The following SAMD5 variants were observed in gnomAD, a reference collection of about 807,000 sequenced individuals.
SAMD5 encodes sterile alpha motif domain containing 5, also known as sterile alpha motif domain-containing protein 5.
Under a neutral mutation model 11.3 loss-of-function variants are expected in SAMD5, and 13 were observed. The observed-to-expected ratio is 1.15, with a 90% confidence interval of 0.75 to 1.83. The LOEUF (loss-of-function observed/expected upper bound fraction) is 1.83, where lower values mean the gene tolerates loss of function less well. Among genes scored for constraint, SAMD5 ranks in the 40% most tolerant of loss-of-function variants. The pLI, the probability that SAMD5 is intolerant of heterozygous loss-of-function variation, is 0.00. For synonymous variants in SAMD5, 129 were observed against 111.3 expected, an observed-to-expected ratio of 1.16 and a Z score of -1.00; for missense variants, 255 against 239.1, an observed-to-expected ratio of 1.07 and a Z score of -0.44.
chr6:147,517,713 T>C (rs1788193117), intron 1 of SAMD5, among the ~76,000 whole-genome samples: 1 of 152,226 alleles, frequency 6.6e-6, no homozygotes, highest in Non-Finnish European at 1.5e-5. Flanking sequence ...AAACATTCTT[T>C]GGAGTATCTT....
chr6:147,927,909 A>G, the SAMD5 span, among the ~76,000 whole-genome samples: 2 of 152,300 alleles, frequency 1.3e-5, no homozygotes, highest in South Asian at 2.1e-4. Flanking sequence ...CCTTTTCTGT[A>G]TCTATTGACA....
At chr6:147,615,292 C>T (rs1226110485) in intron 1 of SAMD5, among the ~76,000 whole-genome samples, 1 of 152,036 alleles carries the variant, frequency 6.6e-6, no homozygotes, top group African/African-American at 2.4e-5. Context: ...AGACACTAGC[C>T]CTGATTTTAT....
At position 147,640,454 on chromosome 6, in the gene SAMD5, G is replaced by A. The variant is rs1442102480; in HGVS notation, c.163-96863G>A. ...GGAGGTTGTAGTGAGCTGAGATCAC[G>A]CCACTGTCCTCCAGCCTGGGTGACA... On this transcript the variant is annotated intron_variant, in intron 1 of 1. Coordinates refer to the SAMD5 transcript ENST00000566741. Among the ~76,000 whole-genome samples, 6 of 123,538 alleles carry A rather than the reference G, an allele frequency of 4.9e-5. No individual in the cohort carries two copies. The South Asian group carries it at 8.4e-4, about 17-fold the overall frequency. The allele number at this position is 123,538 out of a possible 152,430, so 81.0% of individuals were successfully genotyped here.
rs190062562 is a variant in SAMD5 at position 147,661,978 on chromosome 6, C to A, written c.163-75339C>A. Among the ~76,000 whole-genome samples the A allele has an allele frequency of 1.5e-3, 228 of 152,314 alleles. 2 individuals are homozygous for A. The highest frequency in any genetic ancestry group is 8.7e-4 in the Non-Finnish European group (59 of 68,034). On this transcript the variant is annotated intron_variant, in intron 1 of 1. Coordinates refer to the SAMD5 transcript ENST00000566741. ...AGATGCTTGCCACTTAATTTAAGTTCACGGTTGCCCATTCTGTAGCCCTTG... is the reference window on the plus strand; with the variant it reads ...AGATGCTTGCCACTTAATTTAAGTTAACGGTTGCCCATTCTGTAGCCCTTG...
At chr6:147,878,416 C>T in the SAMD5 span, among the ~76,000 whole-genome samples, 3 of 151,668 alleles carry the variant, frequency 2.0e-5, no homozygotes, top group East Asian at 1.9e-4. Flanking sequence ...CACCTCCCAA[C>T]GGCTCTACAT....
chr6:147,584,888 T>C (rs939923039), intron 1 of SAMD5, among the ~76,000 whole-genome samples: 1 of 152,142 alleles, frequency 6.6e-6, no homozygotes, highest in Admixed American at 6.5e-5. Flanking sequence ...AGAAGGCACA[T>C]GAGAGAAAAA....
intron 1 of SAMD5, among the ~76,000 whole-genome samples, chr6:147,510,011 G>T (rs1340659947): frequency 6.6e-6 from 1 of 152,198 alleles, no homozygotes; most frequent in Non-Finnish European, 1.5e-5. Context: ...TATACTGGAG[G>T]CAATAAGGTG....
chr6:147,665,656 C>T (rs538178499), intron 1 of SAMD5, among the ~76,000 whole-genome samples: 1 of 152,244 alleles, frequency 6.6e-6, no homozygotes, highest in South Asian at 2.1e-4. Context: ...AAACCATTTC[C>T]ACAACTGGAG....
chr6:147,809,838 C>G, the SAMD5 span, among the ~76,000 whole-genome samples: 1 of 152,202 alleles, frequency 6.6e-6, no homozygotes, highest in Admixed American at 6.5e-5. Flanking sequence ...TTGCTGGACT[C>G]CATCCCCCAG....
the SAMD5 span, among the ~76,000 whole-genome samples, chr6:147,810,111 A>G: frequency 6.6e-6 from 1 of 152,148 alleles, no homozygotes; most frequent in South Asian, 2.1e-4. Context: ...AGGTATTTTG[A>G]TTTGTTTTTC....
rs1789078418 is a variant in SAMD5, at chr6:147,568,370, A to G, written c.*3914A>G. 1.0e-6 allele frequency: 1 copy of G among 985,006 alleles called. No individual in the cohort carries two copies. Among genetic ancestry groups the G allele is most frequent in the Non-Finnish European group, 1.2e-6 (1 of 829,634 alleles). 61.0% of individuals were successfully genotyped at this position (985,006 alleles called of 1,614,324 possible). On this transcript the variant is annotated 3_prime_UTR_variant, in exon 2 of 2. Coordinates refer to ENST00000367474, the MANE Select transcript of SAMD5 (RefSeq NM_001030060.3). ...GAAAAATAAAAAAAGAAGTTAACAT[A>G]ATTAAAATGCTTGGACAAAACATTT...
At chr6:147,572,279 G>A (rs966391928), downstream of SAMD5, among the ~76,000 whole-genome samples, 2 of 152,116 alleles carry the variant, frequency 1.3e-5, no homozygotes, top group African/African-American at 2.4e-5. Flanking sequence ...CTATACATGG[G>A]AAACCAAGTT....
chr6:147,628,325 A>G (rs1790088670), intron 1 of SAMD5, among the ~76,000 whole-genome samples: 1 of 152,334 alleles, frequency 6.6e-6, no homozygotes, highest in Non-Finnish European at 1.5e-5. Context: ...ATAAAAGATA[A>G]TTTTTTAATT....
At chr6:147,707,153 G>T (rs528692000) in intron 1 of SAMD5, among the ~76,000 whole-genome samples, 1 of 152,314 alleles carries the variant, frequency 6.6e-6, no homozygotes, top group Non-Finnish European at 1.5e-5. Flanking sequence ...ACATTTTCCA[G>T]TGTTTATATA....
At chr6:147,542,237 G>A (rs1198579324) in intron 1 of SAMD5, among the ~76,000 whole-genome samples, 1 of 152,218 alleles carries the variant, frequency 6.6e-6, no homozygotes, top group Non-Finnish European at 1.5e-5. Flanking sequence ...CCAGAACTAG[G>A]TGGCCGCTTG....
chr6:147,901,727 AT>A, the SAMD5 span, among the ~76,000 whole-genome samples: 1 of 152,218 alleles, frequency 6.6e-6, no homozygotes, highest in Admixed American at 6.5e-5. Flanking sequence ...CTTATTTAGC[AT>A]TCATTCCATA....
chr6:147,947,704 C>T, the SAMD5 span, among the ~76,000 whole-genome samples: 1 of 152,154 alleles, frequency 6.6e-6, no homozygotes, highest in East Asian at 1.9e-4. Flanking sequence ...TTTGGAGTTA[C>T]AACACACTTT....
At chr6:147,916,592 C>T in the SAMD5 span, among the ~76,000 whole-genome samples, 5 of 151,898 alleles carry the variant, frequency 3.3e-5, no homozygotes, top group Non-Finnish European at 4.4e-5. Context: ...TTTTAGGGTA[C>T]ATGTGTACAA....
At chr6:147,690,649 A>AAAAT (rs540958117) in intron 1 of SAMD5, among the ~76,000 whole-genome samples, 116 of 152,302 alleles carry the variant, frequency 7.6e-4, no homozygotes, top group African/African-American at 2.6e-3. Flanking sequence ...ACTGTCTCAA[A>AAAAT]AAATAAATAA....
Sources: gnomAD v4.1 joint callset for allele counts (sites outside exome capture counted in the v4.1 genomes callset) on GRCh38, gnomAD v4.1.1 for gene constraint, MANE v1.5 for transcripts, NCBI Gene and HGNC (gene_info 2026-07-23, HGNC 2026-07-21) for gene names.